The following RASSF4 variants were observed in gnomAD, a reference collection of about 807,000 sequenced individuals.
RASSF4 encodes ras association domain-containing protein 4.
A neutral mutation model predicts 41.1 loss-of-function variants in RASSF4; 38 were observed. The ratio of observed to expected loss-of-function variants is 0.92; its 90% CI spans 0.71 to 1.21. RASSF4 has a LOEUF of 1.21. Ranked by LOEUF, RASSF4 falls within the 50% of genes most tolerant of loss-of-function variation. RASSF4 has a pLI of 0.00. For missense variants in RASSF4, 414 were observed against 419.4 expected, an observed-to-expected ratio of 0.99 and a Z score of 0.11; for synonymous variants, 179 against 163.4, an observed-to-expected ratio of 1.10 and a Z score of -0.73.
rs752750525 is a variant in RASSF4 at position 44,991,978 on chromosome 10, G to A, written c.881G>A (p.Arg294Lys). 5 of 1,611,510 alleles carry A rather than the reference G, an allele frequency of 3.1e-6. No individual in the cohort carries two copies. The highest frequency in any genetic ancestry group is 4.2e-6 in the Non-Finnish European group (5 of 1,177,768). The change falls in exon 10 of 11, where the codon AGA becomes AAA. Residue 294 changes from arginine to lysine, a missense_variant. By Grantham distance (26) the Arg-to-Lys change is conservative. Transcript: ENST00000340258. ...GAAAAATTAAAAGAAGAGGAAGAAAGAGAAATAATCAAACTGACCATGAAG... is the reference window on the plus strand; with the variant it reads ...GAAAAATTAAAAGAAGAGGAAGAAAAAGAAATAATCAAACTGACCATGAAG... Reference protein sequence around the residue: ...FVEKLKEEEEREIIKLTMKFQ... With the variant: ...FVEKLKEEEEKEIIKLTMKFQ...
chr10:44,965,200 G>A (rs375585625), intron 1 of RASSF4, among the ~76,000 whole-genome samples: 3 of 152,216 alleles, frequency 2.0e-5, no homozygotes, highest in East Asian at 1.9e-4. Context: ...CCATTTTGAG[G>A]TTACAGAAAG....
chr10:44,972,128 C>G (rs1841199244), intron 3 of RASSF4, among the ~76,000 whole-genome samples: 1 of 152,166 alleles, frequency 6.6e-6, no homozygotes, highest in African/African-American at 2.4e-5. Flanking sequence ...CTTTCCCCTT[C>G]CCCCGAGACC....
At chr10:44,980,519 G>A (rs1053076350) in intron 3 of RASSF4, among the ~76,000 whole-genome samples, 2 of 152,154 alleles carry the variant, frequency 1.3e-5, no homozygotes, top group African/African-American at 4.8e-5. Context: ...GAGTCATGGA[G>A]AGCCAGCCTG....
chr10:44,972,173 G>A (rs975808026), intron 3 of RASSF4, among the ~76,000 whole-genome samples: 6 of 151,632 alleles, frequency 4.0e-5, no homozygotes, highest in East Asian at 1.9e-4. Context: ...GAACAGGTCC[G>A]TCCTCAGCCC....
At chr10:44,966,370 G>A (rs1840904095) in intron 1 of RASSF4, among the ~76,000 whole-genome samples, 1 of 152,192 alleles carries the variant, frequency 6.6e-6, no homozygotes, top group African/African-American at 2.4e-5. Context: ...TGAATCAGAA[G>A]TCACAAACTG....
At chr10:44,984,324 G>A (rs1841835134) in intron 5 of RASSF4, 4 of 589,474 alleles carry the variant, frequency 6.8e-6, no homozygotes, top group South Asian at 2.1e-5. Context: ...AGGCTTGGGA[G>A]GTGACAGTGA....
At chr10:44,981,982 C>T (rs1841724717) in intron 3 of RASSF4, 1 of 162,756 alleles carries the variant, frequency 6.1e-6, no homozygotes, top group Non-Finnish European at 1.3e-5. Flanking sequence ...AAGCAAGACC[C>T]TTTGTCAGCC....
chr10:44,983,793 C>A, intron 4 of RASSF4: 1 of 634,160 alleles, frequency 1.6e-6, no homozygotes. Context: ...CACAAGCCCT[C>A]AGGTCTGCAG....
intron 9 of RASSF4, among the ~76,000 whole-genome samples, chr10:44,991,704 G>A (rs1842119182): frequency 6.6e-6 from 1 of 152,208 alleles, no homozygotes; most frequent in African/African-American, 2.4e-5. Flanking sequence ...AGGGATAACA[G>A]TTGCCTTTGA....
chr10:44,966,351 GC>G (rs1485635148), intron 1 of RASSF4, among the ~76,000 whole-genome samples: 5 of 152,150 alleles, frequency 3.3e-5, no homozygotes, highest in African/African-American at 7.2e-5. Context: ...TGTAAATCAT[GC>G]CGTGTCGTGA....
At chr10:44,975,660 C>T (rs899398005) in intron 3 of RASSF4, among the ~76,000 whole-genome samples, 6 of 147,564 alleles carry the variant, frequency 4.1e-5, no homozygotes, top group Non-Finnish European at 6.0e-5. Context: ...GGAGGCTTAG[C>T]TTGAAGGGAA....
chr10:44,975,115 G>GC (rs1841352914), intron 3 of RASSF4, among the ~76,000 whole-genome samples: 1 of 151,894 alleles, frequency 6.6e-6, no homozygotes, highest in African/African-American at 2.4e-5. Context: ...GCTCCGGGGC[G>GC]CCCCCTGGTG....
At chr10:44,975,687 C>T (rs1158180235) in intron 3 of RASSF4, among the ~76,000 whole-genome samples, 1 of 149,806 alleles carries the variant, frequency 6.7e-6, no homozygotes, top group East Asian at 2.0e-4. Context: ...TCCCCTGGGC[C>T]TCTCTGCAGG....
chr10:44,990,078 A>C (rs759908949), intron 8 of RASSF4, among the ~76,000 whole-genome samples: 8 of 152,206 alleles, frequency 5.3e-5, no homozygotes, highest in Non-Finnish European at 1.2e-4. Flanking sequence ...TTCCAGAGAA[A>C]TGGATGGGTG....
intron 9 of RASSF4, among the ~76,000 whole-genome samples, chr10:44,991,643 A>C (rs932922628): frequency 6.6e-6 from 1 of 152,146 alleles, no homozygotes; most frequent in South Asian, 2.1e-4. Context: ...CAATGTGACA[A>C]TGCTGCTGTA....
chr10:44,978,807 T>G (rs761013677), intron 3 of RASSF4: 3 of 152,204 alleles, frequency 2.0e-5, no homozygotes, highest in African/African-American at 7.2e-5. Context: ...CCCTGAGCAG[T>G]GTGAAGAACC....
chr10:44,977,927 G>C (rs1457506078), intron 3 of RASSF4: 15 of 1,612,576 alleles, frequency 9.3e-6, no homozygotes, highest in Admixed American at 1.7e-5. Context: ...ATCCAGGCTA[G>C]GAGAGGGTGG....
chr10:44,978,761 T>G (rs1425588693), intron 3 of RASSF4: 1 of 152,270 alleles, frequency 6.6e-6, no homozygotes, highest in Non-Finnish European at 1.5e-5. Flanking sequence ...AGGAGGACAG[T>G]GCACTGAGTC....
At chr10:44,977,458 G>A in intron 3 of RASSF4, 1 of 1,611,948 alleles carries the variant, frequency 6.2e-7, no homozygotes, top group Non-Finnish European at 8.5e-7. Flanking sequence ...GGCGGGGGCG[G>A]TGGCGGGAGG....
Sources: allele counts gnomAD v4.1 joint callset (sites outside exome capture counted in the v4.1 genomes callset), GRCh38; gene constraint gnomAD v4.1.1; transcripts MANE v1.5; gene names NCBI Gene and HGNC (gene_info 2026-07-23, HGNC 2026-07-21).